The following HEATR1 variants were observed in gnomAD, a reference collection of about 807,000 sequenced individuals.
HEATR1 encodes HEAT repeat containing 1.
Under a neutral mutation model 248.2 loss-of-function variants are expected in HEATR1, and 77 were observed. The observed-to-expected ratio is 0.31, with a 90% CI of 0.26 to 0.37. HEATR1 has a LOEUF of 0.37. Among genes scored for constraint, HEATR1 ranks in the 10% least tolerant of loss-of-function variants. HEATR1 has a pLI of 1.00. For synonymous variants in HEATR1, 897 were observed against 923.1 expected, an observed-to-expected ratio of 0.97 and a Z score of 0.51; for missense variants, 2,420 against 2,504.9, an observed-to-expected ratio of 0.97 and a Z score of 0.72.
intron 20 of HEATR1, among the ~76,000 whole-genome samples, chr1:236,577,639 C>A (rs1047005667): frequency 1.3e-5 from 2 of 151,956 alleles, no homozygotes; most frequent in African/African-American, 4.8e-5. Flanking sequence ...CAGGCACGCG[C>A]CACCACATCC....
intron 3 of HEATR1, among the ~76,000 whole-genome samples, chr1:236,601,396 G>A (rs1394074664): frequency 2.0e-5 from 3 of 152,018 alleles, no homozygotes; most frequent in Non-Finnish European, 4.4e-5. Flanking sequence ...ACAAGTGCTC[G>A]CCACTGCGCC....
chr1:236,557,405 A>G (rs2103125234), intron 36 of HEATR1, 60 bp from the exon 37 acceptor site: 1 of 1,555,048 alleles, frequency 6.4e-7, no homozygotes, highest in Non-Finnish European at 8.8e-7. Context: ...TAGGGAATGG[A>G]GTAGAGGGCA....
At chr1:236,583,227 C>T in intron 17 of HEATR1, 31 bp from the exon 18 acceptor site, 2 of 1,549,538 alleles carry the variant, frequency 1.3e-6, no homozygotes, top group South Asian at 1.2e-5. Context: ...AAAACTAGTA[C>T]AAACTAAGGG....
chr1:236,551,296 G>A (rs1662731079), intron 44 of HEATR1: 1 of 337,400 alleles, frequency 3.0e-6, no homozygotes, highest in African/African-American at 2.1e-5. Context: ...AGAAACAAAG[G>A]AGAATGTACT....
intron 33 of HEATR1, 38 bp downstream of exon 33, chr1:236,561,187 T>C (rs1010070178): frequency 7.0e-6 from 10 of 1,438,658 alleles, no homozygotes; most frequent in Admixed American, 6.9e-5. Flanking sequence ...TTTGAAGTCA[T>C]TTCCAAATAA....
intron 20 of HEATR1, among the ~76,000 whole-genome samples, chr1:236,577,570 C>T (rs1381892652): frequency 6.6e-6 from 1 of 151,070 alleles, no homozygotes; most frequent in African/African-American, 2.4e-5. Context: ...CTCACTGCAA[C>T]CTCTGCCTCC....
rs1031172450 is a variant in HEATR1, at chr1:236,590,902, G to A, written c.1475C>T (p.Ala492Val). ...ATTCATGGCCAGAATTCTCACAGGA[G>A]CAAGTGGATGATTCAGGCTGAGCAT... is the stretch of plus-strand genomic sequence containing the variant. ...SLMLSLNHPL[A>V]PVRILAMNHL... Residue 492 changes from alanine (A) to valine (V), a missense_variant, in exon 12 of 45, where the codon GCT becomes GTT. Physicochemically the swap from Ala to Val is moderately conservative, Grantham distance 64. Transcript: ENST00000366582. 2 of 1,521,652 alleles carry A rather than the reference G, an allele frequency of 1.3e-6. No homozygotes were observed. Among genetic ancestry groups the A allele is most frequent in the East Asian group, 2.3e-5 (1 of 43,056 alleles). The allele number at this position is 1,521,652 out of a possible 1,614,324, so 94.3% of individuals were successfully genotyped here. A position where few individuals can be genotyped will look rare whatever the true frequency, so the allele number is the denominator to read the frequency against.
rs186977516 is a variant in HEATR1 at position 236,604,193 on chromosome 1, T to C, written c.-32-66A>G. ...ATAAGGCGCCTCGTAAACAAACAAT[T>C]CTCTTCTGCACTCAGCACCGTCATG... is the stretch of plus-strand genomic sequence containing the variant. On this transcript the variant is annotated intron_variant, in intron 1 of 44. Coordinates refer to ENST00000366582, the MANE Select transcript of HEATR1 (RefSeq NM_018072.6). 1.3e-4 allele frequency: 175 copies of C among 1,333,950 alleles called. No individual in the cohort carries two copies. The African/African-American group carries it at 1.9e-3, about 14-fold the overall frequency. The allele number at this position is 1,333,950 out of a possible 1,614,324, so 82.6% of individuals were successfully genotyped here. A position where few individuals can be genotyped will look rare whatever the true frequency, so the allele number is the denominator to read the frequency against.
chr1:236,559,659 A>C, intron 34 of HEATR1, 55 bp downstream of exon 34: 4 of 1,540,522 alleles, frequency 2.6e-6, no homozygotes, highest in Non-Finnish European at 3.5e-6. Context: ...ATAATTTCAC[A>C]ATAATTTAAA....
At chr1:236,596,083 T>C in intron 6 of HEATR1, 39 bp from the exon 7 acceptor site, 1 of 1,412,142 alleles carries the variant, frequency 7.1e-7, no homozygotes, top group East Asian at 2.3e-5. Flanking sequence ...TGATAAACCA[T>C]ATTATTTTCT....
Position 236,554,524 on chromosome 1 carries a change from G to A in HEATR1, c.6078+74C>T, listed in dbSNP as rs1359015594. 2 of 1,297,462 alleles carry A rather than the reference G, an allele frequency of 1.5e-6. 1 individual carries two copies. Among genetic ancestry groups the A allele is most frequent in the Admixed American group, 4.9e-5 (2 of 40,614 alleles). 80.4% of individuals were successfully genotyped at this position (1,297,462 alleles called of 1,614,324 possible). Reference sequence around the variant, plus strand: ...GAAAAATCCTAGCAAGCTGTCATTTGAGCAGATCTAAAACCTGCCAAGCTC... The same window carrying A: ...GAAAAATCCTAGCAAGCTGTCATTTAAGCAGATCTAAAACCTGCCAAGCTC... On this transcript the variant is annotated intron_variant, in intron 42 of 44. Coordinates refer to ENST00000366582, the MANE Select transcript of HEATR1 (RefSeq NM_018072.6).
chr1:236,554,792 C>T (rs763617121), intron 41 of HEATR1, 40 bp from the exon 42 acceptor site: 3 of 1,539,326 alleles, frequency 1.9e-6, no homozygotes, highest in Non-Finnish European at 2.6e-6. Flanking sequence ...AAACACTGAA[C>T]TTAACCATTT....
In HEATR1 at chr1:236,564,726, A is replaced by T. The variant is rs113161641; in HGVS notation, c.4436-65T>A. ...CCTGAATCCTTCATACAGAATTAAC[A>T]GATATAACCTTTCAAGTAAAGGACA... On this transcript the variant is annotated intron_variant, in intron 31 of 44. Transcript: ENST00000366582. 474 of 1,429,002 alleles carry T rather than the reference A, an allele frequency of 3.3e-4. 4 individuals are homozygous for T. The African/African-American group carries it at 5.5e-3, about 17-fold the overall frequency. 88.5% of individuals were successfully genotyped at this position (1,429,002 alleles called of 1,614,324 possible).
chr1:236,569,026 T>G lies in HEATR1; in HGVS notation c.4047A>C (p.Thr1349=). The G allele has an allele frequency of 6.2e-7, 1 of 1,607,410 alleles. No individual in the cohort carries two copies. Among genetic ancestry groups the G allele is most frequent in the Non-Finnish European group, 8.5e-7 (1 of 1,177,728 alleles). The change falls in exon 29 of 45, where the codon ACA becomes ACC. Residue 1349 remains threonine (T), a synonymous_variant. Transcript: ENST00000366582. ...DTYSFQVINK[T]VKMVIPALIQ... is the part of the protein sequence containing the mutation. ...TAAGTGCGGGAATAACCATTTTCAC[T>G]GTCTTGTTAATAACTTGAAAACTGT...
At position 236,554,666 on chromosome 1, in the gene HEATR1, G is replaced by A. The variant is rs201968820; in HGVS notation, c.6010C>T (p.Leu2004Phe). 2 of 1,613,428 alleles carry A rather than the reference G, an allele frequency of 1.2e-6. No individual in the cohort carries two copies. Among genetic ancestry groups the A allele is most frequent in the East Asian group, 4.5e-5 (2 of 44,858 alleles). Reference sequence around the variant, plus strand: ...CTTATAAAATGCTGGGTATCAAAAAGGAAGATTTTGTATAAACAGTTCAAA... The same window carrying A: ...CTTATAAAATGCTGGGTATCAAAAAAGAAGATTTTGTATAAACAGTTCAAA... The part of the protein sequence containing the change: ...FILNCLYKIF[L>F]FDTQHFISKE... The change falls in exon 42 of 45, where the codon CTT becomes TTT. Residue 2004 changes from leucine to phenylalanine, a missense_variant. By Grantham distance (22) the Leu-to-Phe change is conservative. Coordinates refer to ENST00000366582, the MANE Select transcript of HEATR1 (RefSeq NM_018072.6).
chr1:236,565,035 C>T (rs2103130014), intron 31 of HEATR1, among the ~76,000 whole-genome samples: 1 of 152,266 alleles, frequency 6.6e-6, no homozygotes, highest in Non-Finnish European at 1.5e-5. Flanking sequence ...AACCACTAGC[C>T]TATAGAATGA....
At chr1:236,552,234 T>C (rs937387981) in intron 43 of HEATR1, 127 bp from the exon 44 acceptor site, 17 of 586,044 alleles carry the variant, frequency 2.9e-5, no homozygotes, top group Non-Finnish European at 5.1e-5. Context: ...ATTCACTTCA[T>C]TATGTTCATT....
At position 236,571,639 on chromosome 1, in the gene HEATR1, T is replaced by C. The variant is rs201619269; in HGVS notation, c.3755A>G (p.Lys1252Arg). Residue 1252 changes from lysine (K) to arginine (R), a missense_variant, in exon 27 of 45, where the codon AAA becomes AGA. Lys to Arg is a conservative substitution (Grantham distance 26). Transcript: ENST00000366582. Reference sequence around the variant, plus strand: ...GAGCAGACAACTAAGAATTAATTGTTTGGTGTATTCCATATTTCCCTGCTC... The same window carrying C: ...GAGCAGACAACTAAGAATTAATTGTCTGGTGTATTCCATATTTCCCTGCTC... ...PQEQGNMEYTKQLILSCLLNI... is the reference protein window; with the variant it reads ...PQEQGNMEYTRQLILSCLLNI... 162 of 1,613,976 alleles carry C rather than the reference T, an allele frequency of 1.0e-4. No homozygotes were observed. Among genetic ancestry groups the C allele is most frequent in the Non-Finnish European group, 5.3e-5 (62 of 1,179,956 alleles).
At chr1:236,576,479 T>C in intron 21 of HEATR1, 102 bp from the exon 22 acceptor site, 1 of 903,538 alleles carries the variant, frequency 1.1e-6, no homozygotes, top group Non-Finnish European at 1.6e-6. Context: ...GTGACATTGT[T>C]TATAATTTTC....
Sources: gnomAD v4.1 joint callset for allele counts (sites outside exome capture counted in the v4.1 genomes callset) on GRCh38, gnomAD v4.1.1 for gene constraint, MANE v1.5 for transcripts, NCBI Gene and HGNC (gene_info 2026-07-23, HGNC 2026-07-21) for gene names.